The following KCNIP4 variants were observed in gnomAD, a reference collection of about 807,000 sequenced individuals.
KCNIP4 encodes potassium voltage-gated channel interacting protein 4, also known as Kv channel-interacting protein 4.
Under a neutral mutation model 34.0 loss-of-function variants are expected in KCNIP4, and 12 were observed. The ratio of observed to expected loss-of-function variants is 0.35; its 90% CI spans 0.23 to 0.57. The LOEUF (loss-of-function observed/expected upper bound fraction) is 0.57. Ranked by LOEUF, KCNIP4 falls within the 20% of genes least tolerant of loss-of-function variation. The probability of loss-of-function intolerance (pLI) is 0.83; values close to 1 mark genes in which losing one functional copy is unlikely to be tolerated. For synonymous variants in KCNIP4, 124 were observed against 102.2 expected, an observed-to-expected ratio of 1.21 and a Z score of -1.29; for missense variants, 238 against 311.7, an observed-to-expected ratio of 0.76 and a Z score of 1.78.
At chr4:20,901,459 GCA>G (rs1223539008) in intron 1 of KCNIP4, among the ~76,000 whole-genome samples, 6 of 152,192 alleles carry the variant, frequency 3.9e-5, no homozygotes, top group Non-Finnish European at 8.8e-5. Flanking sequence ...TGATTTGTAT[GCA>G]CATTAAATTG....
At chr4:21,080,874 ACT>A (rs1553935051) in intron 1 of KCNIP4, among the ~76,000 whole-genome samples, 1 of 151,838 alleles carries the variant, frequency 6.6e-6, no homozygotes, top group Non-Finnish European at 1.5e-5. Context: ...AATGGGCAAC[ACT>A]CTACAGAAAG....
intron 1 of KCNIP4, among the ~76,000 whole-genome samples, chr4:21,880,630 G>A (rs1373447954): frequency 1.3e-5 from 2 of 152,012 alleles, no homozygotes; most frequent in Non-Finnish European, 2.9e-5. Flanking sequence ...TATTTCTAAG[G>A]GAAAAAGAAG....
chr4:20,753,095 G>T (rs2149348200), intron 4 of KCNIP4, among the ~76,000 whole-genome samples: 1 of 152,236 alleles, frequency 6.6e-6, no homozygotes, highest in African/African-American at 2.4e-5. Flanking sequence ...TAAATGTTGA[G>T]ATTTTATAGT....
At chr4:21,568,353 A>G (rs1740083278) in intron 1 of KCNIP4, among the ~76,000 whole-genome samples, 2 of 152,160 alleles carry the variant, frequency 1.3e-5, no homozygotes, top group South Asian at 4.1e-4. Context: ...GGACATAGAC[A>G]TATACACAGG....
At chr4:21,356,545 A>T (rs1460762117) in intron 1 of KCNIP4, among the ~76,000 whole-genome samples, 1 of 152,198 alleles carries the variant, frequency 6.6e-6, no homozygotes, top group African/African-American at 2.4e-5. Flanking sequence ...GAGCCAAATC[A>T]TGAGTGAACT....
chr4:20,804,651 CTCTT>C (rs766394986), intron 3 of KCNIP4, among the ~76,000 whole-genome samples: 2 of 152,072 alleles, frequency 1.3e-5, no homozygotes, highest in African/African-American at 2.4e-5. Context: ...TTGTTATACT[CTCTT>C]TCTACTTGAT....
At chr4:21,267,743 C>T (rs1370291317) in intron 1 of KCNIP4, among the ~76,000 whole-genome samples, 6 of 144,204 alleles carry the variant, frequency 4.2e-5, no homozygotes, top group African/African-American at 5.1e-5. Context: ...CTGCTGGATT[C>T]GGTTTGCCAG....
intron 1 of KCNIP4, among the ~76,000 whole-genome samples, chr4:21,300,274 A>G (rs1711529319): frequency 6.6e-6 from 1 of 152,148 alleles, no homozygotes; most frequent in South Asian, 2.1e-4. Flanking sequence ...AACCACTTTC[A>G]TTTTTATAGT....
intron 1 of KCNIP4, among the ~76,000 whole-genome samples, chr4:21,895,915 G>A (rs1457847412): frequency 6.6e-6 from 1 of 152,128 alleles, no homozygotes; most frequent in African/African-American, 2.4e-5. Flanking sequence ...GCTAAGTGAT[G>A]CTAAGTTCTA....
Position 20,968,205 on chromosome 4 carries a change from T to C in KCNIP4, c.62-85496A>G, listed in dbSNP as rs1047853008. ...TCATCATCACTGGCCATCAGAGAAA[T>C]GCAAATCAAAACCACAATGAGATAC... On this transcript the variant is annotated intron_variant, in intron 1 of 8. Transcript: ENST00000382152. Among the ~76,000 whole-genome samples the C allele has an allele frequency of 8.5e-5, 13 of 152,150 alleles. No homozygotes were observed. In the East Asian group the frequency reaches 2.1e-3, roughly 25 times the overall value.
intron 1 of KCNIP4, among the ~76,000 whole-genome samples, chr4:21,632,766 A>G (rs1217983718): frequency 6.6e-6 from 1 of 152,186 alleles, no homozygotes; most frequent in East Asian, 1.9e-4. Context: ...AGGTGCCACA[A>G]GAAGGGTATC....
At chr4:20,745,428 G>A (rs1185665319) in intron 5 of KCNIP4, among the ~76,000 whole-genome samples, 6 of 151,976 alleles carry the variant, frequency 3.9e-5, no homozygotes, top group Non-Finnish European at 5.9e-5. Context: ...ATATCTTTTC[G>A]TGCAAAAGAA....
At chr4:21,078,763 A>G (rs986031716) in intron 1 of KCNIP4, among the ~76,000 whole-genome samples, 2 of 152,074 alleles carry the variant, frequency 1.3e-5, no homozygotes, top group Non-Finnish European at 2.9e-5. Context: ...CTTCTTCCCT[A>G]CTACTTATAT....
At chr4:21,059,744 T>C (rs996292975) in intron 1 of KCNIP4, among the ~76,000 whole-genome samples, 1 of 152,114 alleles carries the variant, frequency 6.6e-6, no homozygotes, top group African/African-American at 2.4e-5. Context: ...ATGTTTAACC[T>C]AGAAAAATGA....
intron 1 of KCNIP4, among the ~76,000 whole-genome samples, chr4:20,953,702 CTG>C (rs1733020718): frequency 6.6e-6 from 1 of 152,132 alleles, no homozygotes; most frequent in Admixed American, 6.5e-5. Flanking sequence ...AATAAATACA[CTG>C]TAATTTACTG....
chr4:20,962,233 T>G (rs1183594778), intron 1 of KCNIP4, among the ~76,000 whole-genome samples: 2 of 152,158 alleles, frequency 1.3e-5, no homozygotes, highest in Non-Finnish European at 2.9e-5. Flanking sequence ...CCCTACACCG[T>G]GAACTGGGGA....
chr4:21,388,465 A>C (rs7660556), intron 1 of KCNIP4, among the ~76,000 whole-genome samples: 115,510 of 151,696 alleles, frequency 0.76, 45,805 homozygotes, highest in Non-Finnish European at 0.89. Context: ...ATATACCCAT[A>C]GATTATTATC....
At chr4:21,720,342 T>C (rs1267783206) in intron 1 of KCNIP4, among the ~76,000 whole-genome samples, 1 of 151,978 alleles carries the variant, frequency 6.6e-6, no homozygotes, top group Non-Finnish European at 1.5e-5. Flanking sequence ...ATATTCAAAA[T>C]CCAAAGACAA....
At chr4:21,237,931 T>C (rs1420125336) in intron 1 of KCNIP4, among the ~76,000 whole-genome samples, 1 of 152,028 alleles carries the variant, frequency 6.6e-6, no homozygotes, top group Admixed American at 6.6e-5. Flanking sequence ...AACAAAAAAA[T>C]AGAATTTTAG....
Sources: allele counts gnomAD v4.1 joint callset (sites outside exome capture counted in the v4.1 genomes callset), GRCh38; gene constraint gnomAD v4.1.1; transcripts MANE v1.5; gene names NCBI Gene and HGNC (gene_info 2026-07-23, HGNC 2026-07-21).